The following ABCC2 variants were observed in gnomAD, a reference collection of about 807,000 sequenced individuals.
ABCC2 encodes ATP binding cassette subfamily C member 2, also known as ATP-binding cassette sub-family C member 2.
ABCC2 carries 157 observed loss-of-function variants against 173.4 expected under a neutral mutation model. The observed-to-expected ratio is 0.91, with a 90% CI of 0.80 to 1.03. The LOEUF (loss-of-function observed/expected upper bound fraction) is 1.03, where lower values mean the gene tolerates loss of function less well. ABCC2 is among the 50% of genes least tolerant of loss of function. The pLI, the probability that ABCC2 is intolerant of heterozygous loss-of-function variation, is 0.00. For synonymous variants in ABCC2, 657 were observed against 693.5 expected, an observed-to-expected ratio of 0.95 and a Z score of 0.83; for missense variants, 1,822 against 1,852.3, an observed-to-expected ratio of 0.98 and a Z score of 0.30.
At chr10:99,802,708 C>G (rs753565024) in intron 9 of ABCC2, among the ~76,000 whole-genome samples, 1 of 152,164 alleles carries the variant, frequency 6.6e-6, no homozygotes, top group Non-Finnish European at 1.5e-5. Flanking sequence ...CCACTTGTAG[C>G]CTGTACACTG....
intron 19 of ABCC2, 90 bp downstream of exon 19, chr10:99,819,359 T>A (rs1021421974): frequency 3.5e-5 from 45 of 1,285,250 alleles, no homozygotes; most frequent in Non-Finnish European, 6.7e-6. Context: ...CAGTATCCAG[T>A]GAACTAGATT....
chr10:99,818,755 GAGT>G lies in ABCC2; in HGVS notation c.2272-31_2272-29del, dbSNP rs774051725. 5.1e-5 allele frequency: 82 copies of G among 1,611,982 alleles called. No homozygotes were observed. The Admixed American group carries it at 1.3e-3, about 26-fold the overall frequency. On this transcript the variant is annotated intron_variant, in intron 17 of 31. Coordinates refer to ENST00000647814, the MANE Select transcript of ABCC2 (RefSeq NM_000392.5). ...TAGATTCTGTGAAGGTGGATCTAGGGAGTAGTGCTTAATATGAATTATTTTCTT... is the reference window on the plus strand; with the variant it reads ...TAGATTCTGTGAAGGTGGATCTAGGGAGTGCTTAATATGAATTATTTTCTT...
At chr10:99,834,974 GTCTT>G (rs942378855) in intron 24 of ABCC2, among the ~76,000 whole-genome samples, 1 of 152,250 alleles carries the variant, frequency 6.6e-6, no homozygotes, top group African/African-American at 2.4e-5. Flanking sequence ...CAGCAGCTGG[GTCTT>G]TCTTTTTACT....
intron 23 of ABCC2, among the ~76,000 whole-genome samples, chr10:99,833,842 C>T (rs1260466471): frequency 6.6e-6 from 1 of 152,142 alleles, no homozygotes; most frequent in Non-Finnish European, 1.5e-5. Flanking sequence ...AAATATAAAC[C>T]AAGCTTCTTG....
Position 99,788,066 on chromosome 10 carries a change from C to CAA in ABCC2, c.207+3295_207+3296dup, listed in dbSNP as rs59849924. 3.1e-3 allele frequency among the ~76,000 whole-genome samples: 459 copies of CAA among 147,170 alleles called. 3 individuals are homozygous for CAA. The highest frequency in any genetic ancestry group is 0.011 in the African/African-American group (431 of 39,930). ...TGGGCGACAGAGGTAGACCCTGTCT[C>CAA]AAAAAAAAAAAGAAAAAAAAGGACA... is the stretch of plus-strand genomic sequence containing the variant. On this transcript the variant is annotated intron_variant, in intron 2 of 31. Transcript: ENST00000647814.
Position 99,818,832 on chromosome 10 carries a change from G to T in ABCC2, c.2314G>T (p.Ala772Ser), listed in dbSNP as rs1564688575. 6.2e-7 allele frequency: 1 copy of T among 1,614,046 alleles called. No homozygotes were observed. Among genetic ancestry groups the T allele is most frequent in the Non-Finnish European group, 8.5e-7 (1 of 1,180,042 alleles). The change falls in exon 18 of 32, where the codon GCC becomes TCC. Residue 772 changes from alanine (A) to serine (S), a missense_variant. Coordinates refer to ENST00000647814, the MANE Select transcript of ABCC2 (RefSeq NM_000392.5). ...GGGTCAGAAGCAGCGGATCAGCCTG[G>T]CCAGAGCTACCTACCAAAATTTAGA... Reference protein sequence around the residue: ...SGGQKQRISLARATYQNLDIY... With the variant: ...SGGQKQRISLSRATYQNLDIY...
chr10:99,804,024 G>A lies in ABCC2; in HGVS notation c.1215G>A (p.Leu405=). ...AIMASVYKKA[L]TLSNLARKEY... ...ATTTCAATCCTTATCTTTAGGCATT[G>A]ACCCTATCCAACTTGGCCAGGAAGG... Residue 405 remains leucine, a synonymous_variant, in exon 10 of 32, where the codon TTG becomes TTA. Coordinates refer to ENST00000647814, the MANE Select transcript of ABCC2 (RefSeq NM_000392.5). 6.2e-7 allele frequency: 1 copy of A among 1,614,056 alleles called. No individual in the cohort carries two copies. Among genetic ancestry groups the A allele is most frequent in the Non-Finnish European group, 8.5e-7 (1 of 1,180,000 alleles).
intron 9 of ABCC2, among the ~76,000 whole-genome samples, chr10:99,802,691 G>T (rs1232987161): frequency 6.6e-6 from 1 of 152,218 alleles, no homozygotes; most frequent in Non-Finnish European, 1.5e-5. Flanking sequence ...GATGGAAGTA[G>T]TATGGGCCAC....
At chr10:99,790,598 T>A (rs1205763905) in intron 2 of ABCC2, among the ~76,000 whole-genome samples, 1 of 152,188 alleles carries the variant, frequency 6.6e-6, no homozygotes, top group Non-Finnish European at 1.5e-5. Context: ...GTGCCTTACC[T>A]CTAGCTTGCT....
chr10:99,831,634 G>A lies in ABCC2; in HGVS notation c.2907G>A (p.Glu969=). ...AGGTGAAGTTCTCCATCTACCTGGAGTACCTACAAGCAATAGGATTGTTTT... is the reference window on the plus strand; with the variant it reads ...AGGTGAAGTTCTCCATCTACCTGGAATACCTACAAGCAATAGGATTGTTTT... ...TGKVKFSIYL[E]YLQAIGLFSI... Residue 969 remains glutamate (E), a synonymous_variant, in exon 22 of 32, where the codon GAG becomes GAA. Coordinates refer to ENST00000647814, the MANE Select transcript of ABCC2 (RefSeq NM_000392.5). 6.2e-7 allele frequency: 1 copy of A among 1,614,134 alleles called. No individual in the cohort carries two copies. The highest frequency in any genetic ancestry group is 8.5e-7 in the Non-Finnish European group (1 of 1,180,012).
At chr10:99,838,988 G>T (rs2038880095) in intron 25 of ABCC2, among the ~76,000 whole-genome samples, 4 of 96,576 alleles carry the variant, frequency 4.1e-5, no homozygotes, top group Non-Finnish European at 8.8e-5. Flanking sequence ...CCCGGACGGG[G>T]CGGCTGGCCG....
intron 16 of ABCC2, among the ~76,000 whole-genome samples, chr10:99,815,894 A>T (rs1037873978): frequency 1.3e-5 from 2 of 152,186 alleles, no homozygotes; most frequent in Non-Finnish European, 2.9e-5. Context: ...TCCTTTTGGG[A>T]AGCTTTTTTC....
At position 99,830,295 on chromosome 10, in the gene ABCC2, G is replaced by T. The variant is rs762084130; in HGVS notation, c.2621-12G>T. ...TGCAGCTCTTTCCCTAACCTCTACT[G>T]TGTCTCCCTAGTCCATGATGGCAGT... On this transcript the variant is annotated splice_polypyrimidine_tract_variant and intron_variant, in intron 19 of 31. Coordinates refer to ENST00000647814, the MANE Select transcript of ABCC2 (RefSeq NM_000392.5). The T allele has an allele frequency of 4.3e-6, 7 of 1,614,052 alleles. No homozygotes were observed. In the South Asian group the frequency reaches 6.6e-5, roughly 15 times the overall value.
intron 25 of ABCC2, among the ~76,000 whole-genome samples, chr10:99,839,219 G>A (rs1333050564): frequency 9.4e-6 from 1 of 106,158 alleles, no homozygotes; most frequent in African/African-American, 3.6e-5. Context: ...CGGACGGGCC[G>A]GCTGGCCGGG....
intron 10 of ABCC2, 134 bp from the exon 11 acceptor site, chr10:99,805,248 A>C: frequency 1.4e-6 from 1 of 727,632 alleles, no homozygotes; most frequent in Non-Finnish European, 2.4e-6. Flanking sequence ...AGGGAGGTGA[A>C]TCCCATCACT....
intron 19 of ABCC2, among the ~76,000 whole-genome samples, chr10:99,820,578 T>A (rs115006430): frequency 0.01 from 1,566 of 152,222 alleles, 28 homozygotes; most frequent in African/African-American, 0.036. Context: ...GGCTATATAG[T>A]GAAACCCCAT....
In ABCC2 at chr10:99,808,235, T is replaced by C. The variant is rs1393920697; in HGVS notation, c.1815+6T>C. The C allele has an allele frequency of 6.2e-7, 1 of 1,613,996 alleles. No individual in the cohort carries two copies. ...TGATCTCCTCCATGCTCCAGGTAGG[T>C]CGGCATTCTCACTGCTAACTCCCTG... On this transcript the variant is annotated splice_donor_region_variant and intron_variant, in intron 13 of 31. Transcript: ENST00000647814.
Position 99,797,326 on chromosome 10 carries a change from G to A in ABCC2, c.862G>A (p.Val288Ile), listed in dbSNP as rs1055472475. ...KNQSQSQDAL[V>I]LEDVEKKKKK... ...TCAGAGTCAAAGCCAAGATGCCCTT[G>A]TCCTGGTAACTTTCCCTTGAGTGTC... The change falls in exon 7 of 32, where the codon GTC becomes ATC. Residue 288 changes from valine (V) to isoleucine (I), a missense_variant. Coordinates refer to ENST00000647814, the MANE Select transcript of ABCC2 (RefSeq NM_000392.5). 3.1e-6 allele frequency: 5 copies of A among 1,611,314 alleles called. No individual in the cohort carries two copies. In the African/African-American group the frequency reaches 5.3e-5, roughly 17 times the overall value.
At position 99,850,941 on chromosome 10, in the gene ABCC2, ATCTG is replaced by A; in HGVS notation, c.4508+146_4508+149del. 7 of 1,032,518 alleles carry A rather than the reference ATCTG, an allele frequency of 6.8e-6. No individual in the cohort carries two copies. In the South Asian group the frequency reaches 8.1e-5, roughly 12 times the overall value. 64.0% of individuals were successfully genotyped at this position (1,032,518 alleles called of 1,614,324 possible). ...AACTGAGACTTAGAGATGTCAAGTA[ATCTG>A]GCCAAAATTTTACATCACGCAAATG... On this transcript the variant is annotated intron_variant, in intron 31 of 31. Transcript: ENST00000647814.
Sources: gnomAD v4.1 joint callset for allele counts (sites outside exome capture counted in the v4.1 genomes callset) on GRCh38, gnomAD v4.1.1 for gene constraint, MANE v1.5 for transcripts, NCBI Gene and HGNC (gene_info 2026-07-23, HGNC 2026-07-21) for gene names.